Variants in VSIG1 observed in about 807,000 individuals in gnomAD.
VSIG1 encodes the protein V-set and immunoglobulin domain-containing protein 1.
Under a neutral mutation model 20.1 loss-of-function variants are expected in VSIG1, and 11 were observed. The ratio of observed to expected loss-of-function variants is 0.55; its 90% CI spans 0.34 to 0.91. The LOEUF (loss-of-function observed/expected upper bound fraction) is 0.91. VSIG1 is among the 40% of genes least tolerant of loss of function. The pLI, the probability that VSIG1 is intolerant of heterozygous loss-of-function variation, is 0.02. For missense variants in VSIG1, 283 were observed against 298.8 expected (o/e 0.95, Z 0.39); for synonymous variants, 126 against 116.7 (o/e 1.08, Z -0.52).
rs2030950321 is a variant in VSIG1, at chrX:108,058,220, A to G, written c.213+19A>G. The G allele has an allele frequency of 1.7e-6, 2 of 1,191,519 alleles. No individual in the cohort carries two copies. Among genetic ancestry groups the G allele is most frequent in the South Asian group, 3.7e-5 (2 of 53,712 alleles). On this transcript the variant is annotated intron_variant, in intron 2 of 6. Transcript: ENST00000217957. ...AATTTCTGTAAGGACACTTTTTCCT[A>G]AACTCTTCCCCTTTTGTAGTTCTGA...
chrX:108,031,543 T>C, the VSIG1 span, among the ~76,000 whole-genome samples: 4 of 111,854 alleles, frequency 3.6e-5, no homozygotes, highest in South Asian at 1.1e-3. Context: ...CCTGCTCAGA[T>C]GTTGGCAATC....
At chrX:108,074,175 C>T (rs890977442) in intron 5 of VSIG1, among the ~76,000 whole-genome samples, 2 of 112,079 alleles carry the variant, frequency 1.8e-5, no homozygotes, top group Non-Finnish European at 3.8e-5. Context: ...TTAATATATG[C>T]CATATCCAGG....
intron 6 of VSIG1, 69 bp from the exon 7 acceptor site, chrX:108,076,979 T>C (rs992506620): frequency 2.6e-5 from 27 of 1,019,398 alleles, no homozygotes; most frequent in African/African-American, 9.5e-5. Flanking sequence ...ACAGAACATA[T>C]GGTTTCACAT....
intron 1 of VSIG1, among the ~76,000 whole-genome samples, chrX:108,052,143 T>G (rs1319524070): frequency 9.0e-6 from 1 of 111,652 alleles, no homozygotes; most frequent in African/African-American, 3.3e-5. Context: ...AGTCTACACA[T>G]TGGGTACAGT....
At chrX:108,052,034 G>T (rs1051815746) in intron 1 of VSIG1, among the ~76,000 whole-genome samples, 5 of 111,290 alleles carry the variant, frequency 4.5e-5, no homozygotes, top group African/African-American at 1.6e-4. Context: ...GTTCCAGTTA[G>T]ACAAGAGGAA....
intron 3 of VSIG1, among the ~76,000 whole-genome samples, chrX:108,071,558 C>T (rs1056994386): frequency 1.3e-4 from 14 of 110,886 alleles, no homozygotes; most frequent in Non-Finnish European, 1.9e-4. Context: ...CTCTATGTCC[C>T]GGACTGACCT....
At chrX:108,070,040 C>G (rs916168313) in intron 3 of VSIG1, among the ~76,000 whole-genome samples, 3 of 112,122 alleles carry the variant, frequency 2.7e-5, no homozygotes, top group Non-Finnish European at 5.6e-5. Context: ...CATTTGAGAG[C>G]TTTCCATTAG....
At chrX:108,047,788 C>CTATATA (rs1156663703) in intron 1 of VSIG1, among the ~76,000 whole-genome samples, 3 of 56,614 alleles carry the variant, frequency 5.3e-5, no homozygotes, top group African/African-American at 1.5e-4. Flanking sequence ...CTCTCTCTCT[C>CTATATA]TCTATATATA....
upstream of VSIG1, among the ~76,000 whole-genome samples, chrX:108,040,655 A>G (rs1047009158): frequency 1.8e-5 from 2 of 112,084 alleles, no homozygotes; most frequent in Non-Finnish European, 3.8e-5. Flanking sequence ...GAAACCATCT[A>G]AGAATTTACC....
the VSIG1 span, among the ~76,000 whole-genome samples, chrX:108,029,905 T>C: frequency 9.0e-6 from 1 of 111,105 alleles, no homozygotes; most frequent in African/African-American, 3.3e-5. Context: ...AAATAGAGTT[T>C]GATAGAAAGG....
At chrX:108,047,959 C>CATATAT (rs1288556783) in intron 1 of VSIG1, among the ~76,000 whole-genome samples, 6 of 14,808 alleles carry the variant, frequency 4.1e-4, no homozygotes, top group Admixed American at 1.2e-3. Flanking sequence ...TATATACACA[C>CATATAT]ACATATATAT....
At chrX:108,024,524 G>T in the VSIG1 span, among the ~76,000 whole-genome samples, 1 of 107,680 alleles carries the variant, frequency 9.3e-6, no homozygotes. Context: ...GTTTCTTAAG[G>T]TGCAAAATTA....
rs34098264 is a variant in VSIG1 at position 108,066,539 on chromosome X, TA to T, written c.214-384del. ...AAATTTTAAGAAGTTTATAAAATGG[TA>T]AAAAAAAAAAAATGATGGTTTTGGT... On this transcript the variant is annotated intron_variant, in intron 2 of 6. Coordinates refer to ENST00000217957, the MANE Select transcript of VSIG1 (RefSeq NM_182607.5). 3.3e-3 allele frequency among the ~76,000 whole-genome samples: 336 copies of T among 102,938 alleles called. 3 individuals are homozygous for T. Among genetic ancestry groups the T allele is most frequent in the East Asian group, 0.024 (82 of 3,364 alleles). 89.4% of individuals were successfully genotyped at this position (102,938 alleles called of 115,157 possible).
the VSIG1 span, among the ~76,000 whole-genome samples, chrX:108,031,336 CT>C: frequency 1.8e-5 from 2 of 112,123 alleles, no homozygotes; most frequent in East Asian, 5.6e-4. Flanking sequence ...TATGGAGTGT[CT>C]TTTTTTGTGT....
At chrX:108,042,942 T>A (rs2030502233), upstream of VSIG1, among the ~76,000 whole-genome samples, 2 of 111,125 alleles carry the variant, frequency 1.8e-5, no homozygotes, top group African/African-American at 3.3e-5. Flanking sequence ...GGAGCTGCTG[T>A]CTGCTTATAC....
At chrX:108,038,239 C>T in the VSIG1 span, among the ~76,000 whole-genome samples, 1 of 111,369 alleles carries the variant, frequency 9.0e-6, no homozygotes. Context: ...TCCTAATGCT[C>T]TCCTTCCCCT....
intron 2 of VSIG1, among the ~76,000 whole-genome samples, chrX:108,065,675 T>C (rs2031112067): frequency 8.9e-6 from 1 of 112,013 alleles, no homozygotes; most frequent in African/African-American, 3.2e-5. Context: ...TGTATTGACT[T>C]GTTTTCTTAA....
the VSIG1 span, among the ~76,000 whole-genome samples, chrX:108,022,004 T>A: frequency 8.9e-6 from 1 of 112,109 alleles, no homozygotes; most frequent in East Asian, 2.8e-4. Context: ...CCAGCTTTGT[T>A]GTTTTTTAAG....
chrX:108,062,357 A>G (rs2031044558), intron 2 of VSIG1, among the ~76,000 whole-genome samples: 1 of 111,632 alleles, frequency 9.0e-6, no homozygotes, highest in African/African-American at 3.3e-5. Context: ...TGAAATACAC[A>G]GGACAGAGCC....
Sources: allele counts gnomAD v4.1 joint callset (sites outside exome capture counted in the v4.1 genomes callset), GRCh38; gene constraint gnomAD v4.1.1; transcripts MANE v1.5; gene names NCBI Gene and HGNC (gene_info 2026-07-23, HGNC 2026-07-21).